Variants in DOCK2 observed in about 807,000 individuals in gnomAD.
DOCK2 encodes the protein dedicator of cytokinesis protein 2.
A neutral mutation model predicts 248.9 loss-of-function variants in DOCK2; 87 were observed. The ratio of observed to expected loss-of-function variants is 0.35; its 90% CI spans 0.29 to 0.42. The LOEUF is 0.42. Among genes scored for constraint, DOCK2 ranks in the 10% least tolerant of loss-of-function variants. The pLI, the probability that DOCK2 is intolerant of heterozygous loss-of-function variation, is 1.00. For missense variants in DOCK2, 1,747 were observed against 2,300.2 expected (o/e 0.76, Z 4.92); for synonymous variants, 805 against 821.6 (o/e 0.98, Z 0.35).
chr5:169,922,598 C>T (rs1368955464), intron 27 of DOCK2, among the ~76,000 whole-genome samples: 2 of 152,156 alleles, frequency 1.3e-5, no homozygotes, highest in Middle Eastern at 3.2e-3. Flanking sequence ...AGAATATCAC[C>T]TACATTATCT....
At chr5:169,972,658 T>C (rs1777564740) in intron 27 of DOCK2, among the ~76,000 whole-genome samples, 1 of 151,120 alleles carries the variant, frequency 6.6e-6, no homozygotes, top group Non-Finnish European at 1.5e-5. Context: ...CCCCTGTTAG[T>C]CTGAGACCTT....
At chr5:169,955,395 G>C (rs554485627) in intron 27 of DOCK2, among the ~76,000 whole-genome samples, 1 of 152,262 alleles carries the variant, frequency 6.6e-6, no homozygotes, top group South Asian at 2.1e-4. Flanking sequence ...GGAAGGGAGA[G>C]AGAGAGAGAG....
Position 169,988,220 on chromosome 5 carries a change from G to A in DOCK2, c.2993+2298G>A, listed in dbSNP as rs551381206. ...GCCAAAATGATCTCTTATGTTTATA[G>A]AACACATGAAATGTTCTCACTATTT... On this transcript the variant is annotated intron_variant, in intron 29 of 51. Coordinates refer to ENST00000520908, the MANE Select transcript of DOCK2 (RefSeq NM_004946.3). Among the ~76,000 whole-genome samples, 6 of 152,140 alleles carry A rather than the reference G, an allele frequency of 3.9e-5. No individual in the cohort carries two copies. The South Asian group carries it at 1.2e-3, about 32-fold the overall frequency.
At chr5:170,060,233 G>A (rs999025829) in intron 44 of DOCK2, among the ~76,000 whole-genome samples, 10 of 152,262 alleles carry the variant, frequency 6.6e-5, no homozygotes, top group Admixed American at 3.3e-4. Context: ...CAAATTCAAC[G>A]TGGTCACTAA....
chr5:169,905,014 T>C (rs1403160727), intron 27 of DOCK2, among the ~76,000 whole-genome samples: 1 of 152,120 alleles, frequency 6.6e-6, no homozygotes, highest in Non-Finnish European at 1.5e-5. Context: ...CAGTCACTCA[T>C]ATGAAAATGA....
At chr5:169,777,924 T>C (rs1270478497) in intron 25 of DOCK2, among the ~76,000 whole-genome samples, 1 of 152,236 alleles carries the variant, frequency 6.6e-6, no homozygotes, top group Admixed American at 6.5e-5. Context: ...GCATTCCAAC[T>C]TAGAGAATGA....
chr5:169,983,283 T>C, intron 28 of DOCK2, 117 bp downstream of exon 28: 1 of 1,058,896 alleles, frequency 9.4e-7, no homozygotes, highest in East Asian at 2.4e-5. Flanking sequence ...ACTTAACCAA[T>C]ATTTGTTGAT....
intron 25 of DOCK2, among the ~76,000 whole-genome samples, chr5:169,771,320 G>A (rs906649602): frequency 2.4e-4 from 36 of 152,134 alleles, no homozygotes; most frequent in African/African-American, 7.2e-4. Flanking sequence ...TCGCTCTGTC[G>A]CCCAGGCTGG....
chr5:169,752,121 A>C (rs1048144754), intron 23 of DOCK2, among the ~76,000 whole-genome samples: 1 of 152,216 alleles, frequency 6.6e-6, no homozygotes, highest in Admixed American at 6.5e-5. Context: ...TGGCAGATTC[A>C]GAGGGTCAAC....
intron 26 of DOCK2, among the ~76,000 whole-genome samples, chr5:169,819,790 G>A (rs138091944): frequency 5.3e-5 from 8 of 152,310 alleles, no homozygotes; most frequent in Non-Finnish European, 7.4e-5. Context: ...AGTGGGGGCA[G>A]CACACCGAGC....
intron 33 of DOCK2, among the ~76,000 whole-genome samples, chr5:170,025,559 G>A (rs1755873200): frequency 6.6e-6 from 1 of 152,216 alleles, no homozygotes; most frequent in Non-Finnish European, 1.5e-5. Context: ...CAGACTCATT[G>A]TATAGCCCCT....
At chr5:169,731,770 G>A (rs1380852091) in intron 22 of DOCK2, among the ~76,000 whole-genome samples, 1 of 152,026 alleles carries the variant, frequency 6.6e-6, no homozygotes, top group Admixed American at 6.6e-5. Flanking sequence ...GACATTCTTT[G>A]GGGAAGGGCA....
intron 27 of DOCK2, among the ~76,000 whole-genome samples, chr5:169,853,332 A>G (rs950811362): frequency 6.6e-6 from 1 of 152,204 alleles, no homozygotes; most frequent in African/African-American, 2.4e-5. Context: ...ACAACTGCTA[A>G]TGAAATAGGC....
chr5:169,681,620 G>A, intron 6 of DOCK2, 124 bp from the exon 7 acceptor site: 2 of 1,215,266 alleles, frequency 1.6e-6, no homozygotes, highest in African/African-American at 3.0e-5. Context: ...GGCTATCAGT[G>A]TAGAGCTCTT....
At chr5:170,002,050 C>T (rs1754852494) in intron 30 of DOCK2, among the ~76,000 whole-genome samples, 1 of 152,082 alleles carries the variant, frequency 6.6e-6, no homozygotes, top group Non-Finnish European at 1.5e-5. Flanking sequence ...GGTCATTGAA[C>T]TGAAACCCTG....
At chr5:169,864,240 G>A (rs1191872307) in intron 27 of DOCK2, 1 of 1,530,712 alleles carries the variant, frequency 6.5e-7, no homozygotes, top group East Asian at 2.4e-5. Flanking sequence ...GAAGTGCGTG[G>A]AGTTGGGGGG....
intron 7 of DOCK2, 22 bp from the exon 8 acceptor site, chr5:169,684,174 C>T: frequency 6.2e-7 from 1 of 1,612,884 alleles, no homozygotes; most frequent in African/African-American, 1.3e-5. Context: ...CATCTTCTTT[C>T]CTTCTTCCTT....
At chr5:169,930,228 G>A (rs1227791889) in intron 27 of DOCK2, among the ~76,000 whole-genome samples, 1 of 152,146 alleles carries the variant, frequency 6.6e-6, no homozygotes, top group African/African-American at 2.4e-5. Context: ...CTGACCTTGT[G>A]ATCCGCCTGC....
chr5:169,882,615 CT>C, intron 27 of DOCK2: 1 of 1,551,786 alleles, frequency 6.4e-7, no homozygotes, highest in South Asian at 1.2e-5. Flanking sequence ...CTTTAATTTT[CT>C]CTTGGTTCGA....
Sources: gnomAD v4.1 joint callset for allele counts (sites outside exome capture counted in the v4.1 genomes callset) on GRCh38, gnomAD v4.1.1 for gene constraint, MANE v1.5 for transcripts, NCBI Gene and HGNC (gene_info 2026-07-23, HGNC 2026-07-21) for gene names.